Variants in NIT2 observed in about 807,000 individuals in gnomAD.
The protein encoded by NIT2 is nitrilase family member 2, also known as omega-amidase NIT2.
A neutral mutation model predicts 42.7 loss-of-function variants in NIT2; 46 were observed. That is an observed-to-expected ratio of 1.08 (90% CI 0.85 to 1.38). NIT2 has a LOEUF of 1.38. Among genes scored for constraint, NIT2 ranks in the 40% most tolerant of loss-of-function variants. The probability of loss-of-function intolerance (pLI) is 0.00; values close to 1 mark genes in which losing one functional copy is unlikely to be tolerated. For missense variants in NIT2, 309 were observed against 342.5 expected (o/e 0.90, Z 0.77); for synonymous variants, 123 against 121.9 (o/e 1.01, Z -0.06).
At position 100,360,503 on chromosome 3, in the gene NIT2, G is replaced by A. The variant is rs569570409; in HGVS notation, c.*5235G>A. 1 of 152,302 alleles carries A rather than the reference G, an allele frequency of 6.6e-6. No homozygotes were observed. Among genetic ancestry groups the A allele is most frequent in the Admixed American group, 6.5e-5 (1 of 15,280 alleles). The allele number at this position is 152,302 out of a possible 1,614,324, so 9.4% of individuals were successfully genotyped here. ...CCTGTGATCCCAGCTACTCGGGAGG[G>A]TAAGGCAGGAGGAGGTTACAGTGAG... On this transcript the variant is annotated 3_prime_UTR_variant, in exon 10 of 10. Transcript: ENST00000394140.
chr3:100,349,623 C>T (rs2148883883), intron 7 of NIT2: 1 of 152,388 alleles, frequency 6.6e-6, no homozygotes, highest in South Asian at 2.1e-4. Context: ...GATTTGTGGT[C>T]TGTACCCAGC....
At chr3:100,339,760 C>T in intron 2 of NIT2, 55 bp from the exon 3 acceptor site, 1 of 1,566,696 alleles carries the variant, frequency 6.4e-7, no homozygotes, top group Admixed American at 1.8e-5. Flanking sequence ...TACAGCAGAA[C>T]TTTAAAATGG....
intron 7 of NIT2, 34 bp downstream of exon 7, chr3:100,348,915 C>T: frequency 6.3e-7 from 1 of 1,580,174 alleles, no homozygotes; most frequent in South Asian, 1.1e-5. Context: ...AGCCTCTCGG[C>T]ATGTCCTCTT....
intron 7 of NIT2, among the ~76,000 whole-genome samples, chr3:100,351,289 G>A (rs1267621809): frequency 3.3e-5 from 5 of 152,128 alleles, no homozygotes; most frequent in East Asian, 1.9e-4. Context: ...AAAAGAGCCC[G>A]CATCGCCAAG....
At chr3:100,349,803 AG>A (rs1397647819) in intron 7 of NIT2, 1 of 152,192 alleles carries the variant, frequency 6.6e-6, no homozygotes, top group Non-Finnish European at 1.5e-5. Context: ...GCCTTTCCTT[AG>A]TCTTCTAAGG....
intron 3 of NIT2, among the ~76,000 whole-genome samples, chr3:100,340,183 A>G (rs1706132654): frequency 6.6e-6 from 1 of 151,906 alleles, no homozygotes; most frequent in African/African-American, 2.4e-5. Context: ...TGATTCTCCC[A>G]CCTCCTGAGT....
chr3:100,340,345 T>C (rs543215864), intron 3 of NIT2, among the ~76,000 whole-genome samples: 1 of 152,214 alleles, frequency 6.6e-6, no homozygotes, highest in African/African-American at 2.4e-5. Flanking sequence ...GGATTACAGG[T>C]GTGAGCCATC....
intron 4 of NIT2, among the ~76,000 whole-genome samples, chr3:100,344,751 T>C (rs1458565335): frequency 6.6e-6 from 1 of 151,756 alleles, no homozygotes; most frequent in Middle Eastern, 3.2e-3. Context: ...GTTCAAGCTG[T>C]TCTCTTCTTT....
chr3:100,347,073 A>C (rs1000557352), intron 6 of NIT2, among the ~76,000 whole-genome samples: 1 of 152,088 alleles, frequency 6.6e-6, no homozygotes, highest in Non-Finnish European at 1.5e-5. Flanking sequence ...GAGCTGAGAT[A>C]AATTTGTTTT....
At chr3:100,341,213 G>A (rs748217013) in intron 4 of NIT2, 52 bp downstream of exon 4, 2 of 1,383,690 alleles carry the variant, frequency 1.4e-6, no homozygotes, top group Admixed American at 1.7e-5. Flanking sequence ...CAGCAACAAT[G>A]TGTGGAAAAA....
Position 100,345,670 on chromosome 3 carries a change from T to C in NIT2, c.422T>C (p.Phe141Ser), listed in dbSNP as rs774107390. 2 of 1,603,462 alleles carry C rather than the reference T, an allele frequency of 1.2e-6. No individual in the cohort carries two copies. Among genetic ancestry groups the C allele is most frequent in the Non-Finnish European group, 1.7e-6 (2 of 1,170,622 alleles). Residue 141 changes from phenylalanine to serine, a missense_variant, in exon 5 of 10, where the codon TTT becomes TCT. Coordinates refer to ENST00000394140, the MANE Select transcript of NIT2 (RefSeq NM_020202.5). ...AGTCCGGGTGATAGTTTCTCCACAT[T>C]TGATACTCGTATGTACCAGATAAGT... ...TLSPGDSFST[F>S]DTPYCRVGLG...
At chr3:100,346,455 C>T (rs1174272299) in intron 6 of NIT2, among the ~76,000 whole-genome samples, 200 bp downstream of exon 6, 1 of 152,126 alleles carries the variant, frequency 6.6e-6, no homozygotes, top group Non-Finnish European at 1.5e-5. Flanking sequence ...TTAAACACAT[C>T]ATGTAGCTAA....
rs1239624702 is a variant in NIT2, at chr3:100,354,829, T to A, written c.739+2T>A. On this transcript the variant is annotated splice_donor_variant, in intron 9 of 9. Coordinates refer to ENST00000394140, the MANE Select transcript of NIT2 (RefSeq NM_020202.5). LOFTEE classifies it high-confidence loss of function. ...AAGCAATCGTGTATTCAGACATAGG[T>A]AAGATTTTCCTGGGCATGGTTTAGG... 6.2e-7 allele frequency: 1 copy of A among 1,610,626 alleles called. No individual in the cohort carries two copies. Among genetic ancestry groups the A allele is most frequent in the East Asian group, 2.2e-5 (1 of 44,822 alleles).
At position 100,361,340 on chromosome 3, in the gene NIT2, C is replaced by CTGTT. The variant is rs1706383312; in HGVS notation, c.*6074_*6077dup. ...TCTTCCTGTATTTGCTCTAGGTAAGCTGTTTCATAGCCTTCCAGGACAACA... is the reference window on the plus strand; with the variant it reads ...TCTTCCTGTATTTGCTCTAGGTAAGCTGTTTGTTTCATAGCCTTCCAGGACAACA... On this transcript the variant is annotated 3_prime_UTR_variant, in exon 10 of 10. Coordinates refer to ENST00000394140, the MANE Select transcript of NIT2 (RefSeq NM_020202.5). 1 of 152,182 alleles carries CTGTT rather than the reference C, an allele frequency of 6.6e-6. No individual in the cohort carries two copies. The highest frequency in any genetic ancestry group is 2.4e-5 in the African/African-American group (1 of 41,446). The allele number at this position is 152,182 out of a possible 1,614,324, so 9.4% of individuals were successfully genotyped here. A position where few individuals can be genotyped will look rare whatever the true frequency, so the allele number is the denominator to read the frequency against.
chr3:100,341,255 A>G, intron 4 of NIT2, 94 bp downstream of exon 4: 2 of 795,878 alleles, frequency 2.5e-6, no homozygotes, highest in Admixed American at 1.9e-5. Flanking sequence ...AGTCCCTCTC[A>G]TTATATCACA....
intron 5 of NIT2, 47 bp from the exon 6 acceptor site, chr3:100,346,134 C>G (rs1184506017): frequency 6.8e-7 from 1 of 1,469,398 alleles, no homozygotes; most frequent in African/African-American, 1.4e-5. Context: ...CCACACCATG[C>G]TGTAGGGAGT....
At chr3:100,344,514 T>A (rs1706191130) in intron 4 of NIT2, among the ~76,000 whole-genome samples, 1 of 152,274 alleles carries the variant, frequency 6.6e-6, no homozygotes, top group Non-Finnish European at 1.5e-5. Context: ...GAATGTGGTA[T>A]ATATCCTGAC....
At chr3:100,352,563 G>A in intron 8 of NIT2, 61 bp downstream of exon 8, 1 of 1,304,162 alleles carries the variant, frequency 7.7e-7, no homozygotes, top group Non-Finnish European at 1.1e-6. Context: ...GTGGCTCGTT[G>A]GCAGATGGGT....
chr3:100,350,317 G>A (rs1391799138), intron 7 of NIT2, among the ~76,000 whole-genome samples: 3 of 152,302 alleles, frequency 2.0e-5, no homozygotes, highest in Non-Finnish European at 2.9e-5. Flanking sequence ...GTTAAGTCTC[G>A]AGGGCTCCGA....
Sources: allele counts gnomAD v4.1 joint callset (sites outside exome capture counted in the v4.1 genomes callset), GRCh38; gene constraint gnomAD v4.1.1; transcripts MANE v1.5; gene names NCBI Gene and HGNC (gene_info 2026-07-23, HGNC 2026-07-21).